ANO6: variants seen among roughly 807,000 people sequenced by gnomAD.
ANO6 encodes the protein anoctamin-6.
A neutral mutation model predicts 117.5 loss-of-function variants in ANO6; 106 were observed. The observed-to-expected ratio is 0.90, with a 90% CI of 0.77 to 1.06. ANO6 has a LOEUF of 1.06. ANO6 is among the 50% of genes least tolerant of loss of function. The pLI, the probability that ANO6 is intolerant of heterozygous loss-of-function variation, is 0.00. For synonymous variants in ANO6, 367 were observed against 385.1 expected, an observed-to-expected ratio of 0.95 and a Z score of 0.55; for missense variants, 955 against 1,121.1, an observed-to-expected ratio of 0.85 and a Z score of 2.12.
chr12:45,397,895 A>G (rs1222297125), intron 12 of ANO6, among the ~76,000 whole-genome samples: 1 of 152,156 alleles, frequency 6.6e-6, no homozygotes, highest in African/African-American at 2.4e-5. Context: ...CGATGAGTTG[A>G]TGGGTGCAGC....
In ANO6 at chr12:45,430,482, C is replaced by T; in HGVS notation, c.*1171C>T. 1 of 985,394 alleles carries T rather than the reference C, an allele frequency of 1.0e-6. No homozygotes were observed. 61.0% of individuals were successfully genotyped at this position (985,394 alleles called of 1,614,324 possible). On this transcript the variant is annotated 3_prime_UTR_variant, in exon 20 of 20. Transcript: ENST00000320560. ...TCTCTGCCATAAAGAATGTGGCTTC[C>T]TTGCATCCTCCATCCTGTTACTCTG...
At chr12:45,240,844 A>G (rs2137164006) in intron 1 of ANO6, among the ~76,000 whole-genome samples, 1 of 152,296 alleles carries the variant, frequency 6.6e-6, no homozygotes, top group African/African-American at 2.4e-5. Context: ...TTCTGGGTTG[A>G]AAATTCTTTT....
chr12:45,383,743 TAA>T lies in ANO6; in HGVS notation c.1166-4416_1166-4415del, dbSNP rs371372667. 4.7e-4 allele frequency among the ~76,000 whole-genome samples: 72 copies of T among 152,362 alleles called. 3 individuals carry two copies. In the East Asian group the frequency reaches 0.013, roughly 27 times the overall value. On this transcript the variant is annotated intron_variant, in intron 10 of 19. Coordinates refer to ENST00000320560, the MANE Select transcript of ANO6 (RefSeq NM_001025356.3). Reference sequence around the variant, plus strand: ...TAAAATAATTCAACACACCATGTTATAAACAGATGTGCTTGTCATCTAGGCTC... The same window carrying T: ...TAAAATAATTCAACACACCATGTTATACAGATGTGCTTGTCATCTAGGCTC...
intron 2 of ANO6, among the ~76,000 whole-genome samples, chr12:45,303,314 AT>A (rs1053621412): frequency 2.0e-5 from 3 of 152,224 alleles, no homozygotes; most frequent in African/African-American, 7.2e-5. Context: ...TAGCAGAGCA[AT>A]TTTGTGGGTT....
chr12:45,401,042 C>G (rs1022732876), intron 12 of ANO6, among the ~76,000 whole-genome samples: 3 of 152,100 alleles, frequency 2.0e-5, no homozygotes, highest in African/African-American at 7.2e-5. Context: ...ATTATGCAGT[C>G]AAAAATACAG....
intron 1 of ANO6, chr12:45,228,404 G>A (rs1022328861): frequency 4.3e-6 from 1 of 232,120 alleles, no homozygotes; most frequent in African/African-American, 2.4e-5. Context: ...CTCTCAAAGT[G>A]CTGAGATTAC....
rs186192611 is a variant in ANO6 at position 45,315,986 on chromosome 12, A to G, written c.150+13893A>G. 2.6e-4 allele frequency among the ~76,000 whole-genome samples: 39 copies of G among 152,104 alleles called. 1 individual carries two copies. The East Asian group carries it at 7.2e-3, about 28-fold the overall frequency. ...TCTTCCCTGGACTCATAGTCTTCCC[A>G]TTACCACTTTTGCCACACACTGAGC... On this transcript the variant is annotated intron_variant, in intron 2 of 19. Transcript: ENST00000320560.
chr12:45,319,386 G>A (rs981976489), intron 2 of ANO6, among the ~76,000 whole-genome samples: 3 of 152,168 alleles, frequency 2.0e-5, no homozygotes, highest in African/African-American at 7.2e-5. Context: ...TGTGGTTTTT[G>A]TCTTTGGTTC....
intron 15 of ANO6, 27 bp from the exon 16 acceptor site, chr12:45,409,330 T>C: frequency 1.2e-6 from 2 of 1,613,328 alleles, no homozygotes; most frequent in South Asian, 1.1e-5. Flanking sequence ...ATATTCGTTC[T>C]AATTTATAAA....
chr12:45,322,029 T>A (rs1940293473), intron 2 of ANO6, among the ~76,000 whole-genome samples: 1 of 152,160 alleles, frequency 6.6e-6, no homozygotes, highest in South Asian at 2.1e-4. Context: ...GGGATTGTGC[T>A]AAGGTGCTGG....
At chr12:45,243,193 C>T (rs1265333823) in intron 1 of ANO6, among the ~76,000 whole-genome samples, 1 of 152,154 alleles carries the variant, frequency 6.6e-6, no homozygotes, top group Non-Finnish European at 1.5e-5. Context: ...GTGGCATGCA[C>T]CTGTAGTCTC....
chr12:45,325,272 ACT>A (rs1329613096), intron 2 of ANO6, among the ~76,000 whole-genome samples: 1 of 152,118 alleles, frequency 6.6e-6, no homozygotes, highest in African/African-American at 2.4e-5. Flanking sequence ...ATTTAGGACA[ACT>A]CTCTTGTCTA....
At chr12:45,269,905 G>T (rs1056603481) in intron 1 of ANO6, among the ~76,000 whole-genome samples, 3 of 152,154 alleles carry the variant, frequency 2.0e-5, no homozygotes, top group African/African-American at 7.2e-5. Flanking sequence ...TATTAAGAGG[G>T]CCCAGAACAG....
intron 1 of ANO6, among the ~76,000 whole-genome samples, chr12:45,293,708 C>T (rs889993640): frequency 1.4e-5 from 2 of 146,616 alleles, no homozygotes; most frequent in African/African-American, 5.1e-5. Flanking sequence ...CTACAGGTGC[C>T]TGCCACCATG....
chr12:45,364,872 G>A (rs1443343381), intron 8 of ANO6, among the ~76,000 whole-genome samples: 2 of 152,154 alleles, frequency 1.3e-5, no homozygotes, highest in Non-Finnish European at 2.9e-5. Context: ...TTGAGAACTG[G>A]ACATTTTAAG....
intron 11 of ANO6, among the ~76,000 whole-genome samples, chr12:45,389,309 G>A (rs993308039): frequency 1.3e-5 from 2 of 152,152 alleles, no homozygotes; most frequent in Non-Finnish European, 2.9e-5. Context: ...AGTTCCTGCT[G>A]TTTACTAGAG....
chr12:45,319,876 T>G (rs1034983720), intron 2 of ANO6, among the ~76,000 whole-genome samples: 8 of 152,274 alleles, frequency 5.3e-5, no homozygotes, highest in African/African-American at 9.6e-5. Context: ...ATTTATCCAT[T>G]TCTTCTAGAT....
At chr12:45,382,589 G>A (rs1215075926) in intron 10 of ANO6, among the ~76,000 whole-genome samples, 5 of 152,058 alleles carry the variant, frequency 3.3e-5, no homozygotes, top group Non-Finnish European at 7.4e-5. Flanking sequence ...GGTTATCCTG[G>A]CCTCTTGCTA....
At chr12:45,380,235 A>G (rs1246251113) in intron 10 of ANO6, among the ~76,000 whole-genome samples, 1 of 152,160 alleles carries the variant, frequency 6.6e-6, no homozygotes, top group East Asian at 1.9e-4. Context: ...ACACCAACCC[A>G]TGGTTGAAGT....
Sources: allele counts gnomAD v4.1 joint callset (sites outside exome capture counted in the v4.1 genomes callset), GRCh38; gene constraint gnomAD v4.1.1; transcripts MANE v1.5; gene names NCBI Gene and HGNC (gene_info 2026-07-23, HGNC 2026-07-21).